Variants in CAMTA1 observed in about 807,000 individuals in gnomAD.
The protein encoded by CAMTA1 is calmodulin-binding transcription activator 1.
Under a neutral mutation model 170.9 loss-of-function variants are expected in CAMTA1, and 27 were observed. That is an observed-to-expected ratio of 0.16 (90% CI 0.12 to 0.22). The LOEUF is 0.22. CAMTA1 is among the 10% of genes least tolerant of loss of function. The pLI is 1.00. For synonymous variants in CAMTA1, 833 were observed against 891.5 expected (o/e 0.93, Z 1.17); for missense variants, 1,619 against 2,217.2 (o/e 0.73, Z 5.42).
At chr1:7,292,482 C>A (rs1308354007) in intron 5 of CAMTA1, among the ~76,000 whole-genome samples, 3 of 152,122 alleles carry the variant, frequency 2.0e-5, no homozygotes, top group Non-Finnish European at 2.9e-5. Context: ...AACCTTTGCT[C>A]CCCCAGCCTC....
chr1:7,751,024 A>G (rs1339988011), intron 19 of CAMTA1, 175 bp from the exon 20 acceptor site: 1 of 741,782 alleles, frequency 1.3e-6, no homozygotes, highest in Non-Finnish European at 2.4e-6. Context: ...TACATTTTGG[A>G]AAGGTAGGTG....
At chr1:6,799,327 C>T (rs1643358923) in intron 1 of CAMTA1, among the ~76,000 whole-genome samples, 1 of 152,196 alleles carries the variant, frequency 6.6e-6, no homozygotes, top group Admixed American at 6.5e-5. Flanking sequence ...TCTCAGCCTC[C>T]CAAAGTGCCA....
Position 7,680,517 on chromosome 1 carries a change from T to G in CAMTA1, c.2914+2784T>G, listed in dbSNP as rs1394504615. Among the ~76,000 whole-genome samples, 1 of 150,422 alleles carries G rather than the reference T, an allele frequency of 6.6e-6. No homozygotes were observed. The highest frequency in any genetic ancestry group is 1.5e-5 in the Non-Finnish European group (1 of 67,504). ...AATGCGGGGCCCTTCGCGGAACTGC[T>G]GGCGGCGCCGCGCCCCGCGGGGTCT... is the stretch of plus-strand genomic sequence containing the variant. On this transcript the variant is annotated intron_variant, in intron 11 of 22. Coordinates refer to ENST00000303635, the MANE Select transcript of CAMTA1 (RefSeq NM_015215.4). This position sits in a 1 kb window ranked among gnomAD's most constrained non-coding sequence, Gnocchi z 4.4.
At chr1:7,236,675 G>T (rs905284150) in intron 4 of CAMTA1, among the ~76,000 whole-genome samples, 1 of 152,202 alleles carries the variant, frequency 6.6e-6, no homozygotes, top group Admixed American at 6.5e-5. Flanking sequence ...TGGAACATGG[G>T]TGTAAAGGGC....
Position 7,063,434 on chromosome 1 carries a change from A to C in CAMTA1, c.235-27870A>C, listed in dbSNP as rs956876110. On this transcript the variant is annotated intron_variant, in intron 3 of 22. Transcript: ENST00000303635. This position sits in a 1 kb window ranked among gnomAD's most constrained non-coding sequence, Gnocchi z 4.3. ...TTATCTTAGCAGGGCATCTCTGGAG[A>C]GAATGTTCCACGGAGCACACCTCGG... Among the ~76,000 whole-genome samples the C allele has an allele frequency of 4.2e-4, 64 of 152,162 alleles. No homozygotes were observed. Among genetic ancestry groups the C allele is most frequent in the African/African-American group, 1.5e-3 (61 of 41,430 alleles).
intron 3 of CAMTA1, among the ~76,000 whole-genome samples, chr1:6,953,614 T>A (rs1688899716): frequency 1.3e-5 from 2 of 152,224 alleles, no homozygotes; most frequent in South Asian, 4.1e-4. Flanking sequence ...AATCCACTTT[T>A]CTTACCTCCT....
At position 7,632,954 on chromosome 1, in the gene CAMTA1, T is replaced by C. The variant is rs537837021; in HGVS notation, c.511-7446T>C. Among the ~76,000 whole-genome samples the C allele has an allele frequency of 9.2e-5, 14 of 152,348 alleles. No homozygotes were observed. The East Asian group carries it at 2.5e-3, about 27-fold the overall frequency. ...CGCCTCATGCCCATTTACTAGCCAG[T>C]GTAAGTGACCTTACACATGAGCGCT... On this transcript the variant is annotated intron_variant, in intron 6 of 22. Coordinates refer to ENST00000303635, the MANE Select transcript of CAMTA1 (RefSeq NM_015215.4).
intron 6 of CAMTA1, among the ~76,000 whole-genome samples, chr1:7,597,832 T>A (rs1222832435): frequency 6.6e-6 from 1 of 152,192 alleles, no homozygotes; most frequent in South Asian, 2.1e-4. Flanking sequence ...TAAATTTTTT[T>A]AAATTTTACT....
chr1:7,717,220 A>T (rs1350875090), intron 11 of CAMTA1, among the ~76,000 whole-genome samples: 2 of 152,164 alleles, frequency 1.3e-5, no homozygotes, highest in Non-Finnish European at 2.9e-5. Flanking sequence ...ACTCGAGTTC[A>T]TCATGATATA....
rs565246011 is a variant in CAMTA1 at position 7,588,479 on chromosome 1, C to T, written c.511-51921C>T. 6.6e-6 allele frequency among the ~76,000 whole-genome samples: 1 copy of T among 152,368 alleles called. No individual in the cohort carries two copies. Among genetic ancestry groups the T allele is most frequent in the South Asian group, 2.1e-4 (1 of 4,832 alleles). The stretch of plus-strand genomic sequence containing the variant: ...GTTTTATCAAAACCCTCACCATTGC[C>T]ATCACCACCTCCATTTGACAGCTGA... On this transcript the variant is annotated intron_variant, in intron 6 of 22. Transcript: ENST00000303635. This position sits in a 1 kb window ranked among gnomAD's most constrained non-coding sequence, Gnocchi z 5.8.
intron 4 of CAMTA1, among the ~76,000 whole-genome samples, chr1:7,204,798 G>T: frequency 6.8e-6 from 1 of 146,530 alleles, no homozygotes; most frequent in African/African-American, 2.5e-5. Context: ...TATTATTTTG[G>T]GTCAGAGTTT....
chr1:7,270,446 C>T (rs776574958), intron 5 of CAMTA1, among the ~76,000 whole-genome samples: 89 of 151,842 alleles, frequency 5.9e-4, no homozygotes, highest in Middle Eastern at 3.4e-3. Flanking sequence ...AGGCACCCAC[C>T]ACCACGCCTG....
At chr1:7,203,617 A>G (rs1243330515) in intron 4 of CAMTA1, among the ~76,000 whole-genome samples, 1 of 150,802 alleles carries the variant, frequency 6.6e-6, no homozygotes, top group African/African-American at 2.4e-5. Flanking sequence ...GAATTTGTTC[A>G]TCTAAGCTAT....
In CAMTA1 at chr1:7,570,111, A is replaced by G. The variant is rs1299737858; in HGVS notation, c.511-70289A>G. ...CCTTGGGGCCGTCTTGCTTAATTCT[A>G]CCGAGACCTTGGGTGGGAGATCAGG... On this transcript the variant is annotated intron_variant, in intron 6 of 22. Coordinates refer to ENST00000303635, the MANE Select transcript of CAMTA1 (RefSeq NM_015215.4). This position sits in a 1 kb window ranked among gnomAD's most constrained non-coding sequence, Gnocchi z 4.3. 6.6e-6 allele frequency among the ~76,000 whole-genome samples: 1 copy of G among 152,094 alleles called. No individual in the cohort carries two copies. Among genetic ancestry groups the G allele is most frequent in the Non-Finnish European group, 1.5e-5 (1 of 68,018 alleles).
chr1:7,265,672 T>G (rs893219834), intron 5 of CAMTA1, among the ~76,000 whole-genome samples: 1 of 152,206 alleles, frequency 6.6e-6, no homozygotes, highest in Non-Finnish European at 1.5e-5. Context: ...GTTGAAATAA[T>G]AGATAAAATA....
chr1:6,887,923 C>T lies in CAMTA1; in HGVS notation c.234+62713C>T. ...CATCCGGAGTTATTACGAAGGAGCT[C>T]CGCAGCCTGACTGAGCTCTGGAGAG... On this transcript the variant is annotated intron_variant, in intron 3 of 22. Transcript: ENST00000303635. This position sits in a 1 kb window ranked among gnomAD's most constrained non-coding sequence, Gnocchi z 4.1. The T allele has an allele frequency of 7.5e-7, 1 of 1,337,066 alleles. No individual in the cohort carries two copies. The highest frequency in any genetic ancestry group is 2.9e-4 in the Middle Eastern group (1 of 3,430). 82.8% of individuals were successfully genotyped at this position (1,337,066 alleles called of 1,614,324 possible).
intron 4 of CAMTA1, among the ~76,000 whole-genome samples, chr1:7,111,891 A>T (rs1421113261): frequency 5.3e-5 from 8 of 150,524 alleles, no homozygotes; most frequent in East Asian, 3.9e-4. Flanking sequence ...TCTCCAAAAA[A>T]AAAAAAAAAA....
intron 22 of CAMTA1, among the ~76,000 whole-genome samples, chr1:7,756,246 GC>G (rs2096930862): frequency 1.3e-5 from 2 of 151,946 alleles, no homozygotes; most frequent in Non-Finnish European, 2.9e-5. Context: ...ACTGTACAAG[GC>G]TGCCCTTTCA....
At chr1:7,649,552 G>T (rs964273414) in intron 7 of CAMTA1, among the ~76,000 whole-genome samples, 1 of 151,222 alleles carries the variant, frequency 6.6e-6, no homozygotes, top group African/African-American at 2.4e-5. Context: ...TGGGCACGGA[G>T]AGGCTGACTT....
Sources: gnomAD v4.1 joint callset for allele counts (sites outside exome capture counted in the v4.1 genomes callset) on GRCh38, gnomAD v4.1.1 for gene constraint, Gnocchi (gnomAD v3.1) non-coding constraint, MANE v1.5 for transcripts, NCBI Gene and HGNC (gene_info 2026-07-23, HGNC 2026-07-21) for gene names.